The following RABGAP1L variants were observed in gnomAD, a reference collection of about 807,000 sequenced individuals.
RABGAP1L encodes the protein RAB GTPase activating protein 1 like, also known as rab GTPase-activating protein 1-like.
Under a neutral mutation model 137.7 loss-of-function variants are expected in RABGAP1L, and 63 were observed. That is an observed-to-expected ratio of 0.46 (90% CI 0.37 to 0.56). The LOEUF (loss-of-function observed/expected upper bound fraction) is 0.56, where lower values mean the gene tolerates loss of function less well. Ranked by LOEUF, RABGAP1L falls within the 20% of genes least tolerant of loss-of-function variation. RABGAP1L has a pLI of 0.00. For synonymous variants in RABGAP1L, 431 were observed against 433.7 expected, an observed-to-expected ratio of 0.99 and a Z score of 0.08; for missense variants, 1,095 against 1,244.0, an observed-to-expected ratio of 0.88 and a Z score of 1.80.
At chr1:174,578,995 T>C (rs1668559615) in intron 13 of RABGAP1L, among the ~76,000 whole-genome samples, 1 of 152,164 alleles carries the variant, frequency 6.6e-6, no homozygotes, top group South Asian at 2.1e-4. Flanking sequence ...AAAATACATA[T>C]AGAACACAGT....
At chr1:174,449,800 T>G (rs947979192) in intron 13 of RABGAP1L, among the ~76,000 whole-genome samples, 1 of 152,182 alleles carries the variant, frequency 6.6e-6, no homozygotes, top group Admixed American at 6.5e-5. Flanking sequence ...TGCAGCACAG[T>G]TTTTCTGCTA....
intron 12 of RABGAP1L, among the ~76,000 whole-genome samples, chr1:174,376,888 A>G (rs532616861): frequency 6.6e-6 from 1 of 152,290 alleles, no homozygotes; most frequent in African/African-American, 2.4e-5. Context: ...GGCAAACAAG[A>G]TTGGAAAGAA....
chr1:174,173,270 A>G (rs1665559814), intron 1 of RABGAP1L, among the ~76,000 whole-genome samples: 1 of 151,866 alleles, frequency 6.6e-6, no homozygotes, highest in Non-Finnish European at 1.5e-5. Context: ...AGCTGGGATT[A>G]CAGGCGTGCA....
chr1:174,930,585 G>A (rs1369067791), intron 19 of RABGAP1L, among the ~76,000 whole-genome samples: 1 of 152,124 alleles, frequency 6.6e-6, no homozygotes, highest in African/African-American at 2.4e-5. Context: ...CCAAAGTGCT[G>A]GGATTATAGG....
chr1:174,966,514 A>G (rs1669639662), intron 20 of RABGAP1L, among the ~76,000 whole-genome samples: 1 of 152,086 alleles, frequency 6.6e-6, no homozygotes, highest in Non-Finnish European at 1.5e-5. Context: ...CATGAAAAGG[A>G]GTAATAGATA....
intron 18 of RABGAP1L, among the ~76,000 whole-genome samples, chr1:174,788,298 C>G (rs890610336): frequency 6.6e-6 from 1 of 152,208 alleles, no homozygotes; most frequent in Non-Finnish European, 1.5e-5. Context: ...TCTGCTTCCT[C>G]TGTGGTGTGC....
At chr1:174,327,468 T>C (rs1444493282) in intron 11 of RABGAP1L, among the ~76,000 whole-genome samples, 1 of 151,962 alleles carries the variant, frequency 6.6e-6, no homozygotes, top group Admixed American at 6.6e-5. Flanking sequence ...GTAAGTCTCA[T>C]GGTAACTACA....
intron 13 of RABGAP1L, among the ~76,000 whole-genome samples, chr1:174,438,140 G>A (rs1002990650): frequency 6.6e-6 from 1 of 152,098 alleles, no homozygotes; most frequent in Non-Finnish European, 1.5e-5. Flanking sequence ...GACCATCGAG[G>A]CTAGGAAGAA....
chr1:174,839,423 T>C (rs909835276), intron 19 of RABGAP1L, among the ~76,000 whole-genome samples: 23 of 152,212 alleles, frequency 1.5e-4, no homozygotes, highest in African/African-American at 5.5e-4. Flanking sequence ...AGCTGTTCTA[T>C]GAGTTCAGTG....
At chr1:174,969,046 C>G (rs1417528989) in intron 20 of RABGAP1L, among the ~76,000 whole-genome samples, 1 of 152,138 alleles carries the variant, frequency 6.6e-6, no homozygotes, top group Non-Finnish European at 1.5e-5. Context: ...TAATGAAGTT[C>G]CATCTTGAGA....
At chr1:174,335,178 ATTAG>A (rs1472094767) in intron 11 of RABGAP1L, among the ~76,000 whole-genome samples, 2 of 152,218 alleles carry the variant, frequency 1.3e-5, no homozygotes, top group Non-Finnish European at 2.9e-5. Flanking sequence ...ACACTTTATT[ATTAG>A]TTCTGTAATT....
chr1:174,359,426 GCTTGAT>G, intron 11 of RABGAP1L, among the ~76,000 whole-genome samples: 1 of 152,136 alleles, frequency 6.6e-6, no homozygotes, highest in Admixed American at 6.5e-5. Context: ...TGGGTCATAC[GCTTGAT>G]GTCACTGGGA....
chr1:174,926,748 A>G (rs1301348228), intron 19 of RABGAP1L, among the ~76,000 whole-genome samples: 1 of 152,062 alleles, frequency 6.6e-6, no homozygotes, highest in Non-Finnish European at 1.5e-5. Flanking sequence ...TTATTACATC[A>G]TCTTACGGCA....
rs796939494 is a variant in RABGAP1L, at chr1:174,347,528, T to C, written c.1466-23451T>C. Among the ~76,000 whole-genome samples the C allele has an allele frequency of 2.0e-5, 3 of 151,840 alleles. No individual in the cohort carries two copies. In the South Asian group the frequency reaches 6.3e-4, roughly 32 times the overall value. On this transcript the variant is annotated intron_variant, in intron 11 of 25. Transcript: ENST00000681986. The stretch of plus-strand genomic sequence containing the variant: ...TTTTCTTTGAGACTGAGTCTTGCTC[T>C]GTCACCCAGACTGGAGTGCAGTGGT...
intron 11 of RABGAP1L, among the ~76,000 whole-genome samples, chr1:174,349,349 G>A (rs1682810203): frequency 7.6e-6 from 1 of 130,826 alleles, no homozygotes; most frequent in African/African-American, 3.0e-5. Flanking sequence ...CACTGGCCGG[G>A]CAGGGGGGCT....
rs575704683 is a variant in RABGAP1L at position 174,662,410 on chromosome 1, T to G, written c.1825-21112T>G. Among the ~76,000 whole-genome samples, 5 of 145,536 alleles carry G rather than the reference T, an allele frequency of 3.4e-5. No homozygotes were observed. The East Asian group carries it at 6.2e-4, about 18-fold the overall frequency. ...TGAGCCACCGCGCCTGGCCTGGTTG[T>G]TTGTTTGTTTGTTTGTTTGTTTTTG... On this transcript the variant is annotated intron_variant, in intron 14 of 25. Transcript: ENST00000681986.
chr1:174,273,794 A>C (rs1313469408), intron 8 of RABGAP1L, among the ~76,000 whole-genome samples: 1 of 152,080 alleles, frequency 6.6e-6, no homozygotes, highest in Non-Finnish European at 1.5e-5. Flanking sequence ...AACTGGTATA[A>C]ACTTCTGAGG....
At chr1:174,712,428 G>C (rs1467520401) in intron 17 of RABGAP1L, among the ~76,000 whole-genome samples, 1 of 152,096 alleles carries the variant, frequency 6.6e-6, no homozygotes, top group Non-Finnish European at 1.5e-5. Flanking sequence ...CCACCTTTAA[G>C]AACTGTAACA....
chr1:174,744,899 GT>G (rs1156770680), intron 17 of RABGAP1L, among the ~76,000 whole-genome samples: 1 of 152,146 alleles, frequency 6.6e-6, no homozygotes, highest in Non-Finnish European at 1.5e-5. Context: ...AGATGTTAAT[GT>G]TTGGGTAAAA....
Sources: gnomAD v4.1 joint callset for allele counts (sites outside exome capture counted in the v4.1 genomes callset) on GRCh38, gnomAD v4.1.1 for gene constraint, MANE v1.5 for transcripts, NCBI Gene and HGNC (gene_info 2026-07-23, HGNC 2026-07-21) for gene names.